SLC9B1: variants seen among roughly 807,000 people sequenced by gnomAD.
SLC9B1 encodes solute carrier family 9 member B1, also known as sodium/hydrogen exchanger 9B1.
SLC9B1 carries 32 observed loss-of-function variants against 51.7 expected under a neutral mutation model. That is an observed-to-expected ratio of 0.62 (90% CI 0.47 to 0.83). The LOEUF is 0.83. Ranked by LOEUF, SLC9B1 falls within the 40% of genes least tolerant of loss-of-function variation. The probability of loss-of-function intolerance (pLI) is 0.00; values close to 1 mark genes in which losing one functional copy is unlikely to be tolerated. For synonymous variants in SLC9B1, 145 were observed against 212.7 expected (o/e 0.68, Z 2.77); for missense variants, 406 against 613.2 (o/e 0.66, Z 3.57).
rs957155288 is a variant in SLC9B1 at position 103,008,083 on chromosome 4, A to G, written c.-2+11516T>C. ...TCAGTTTAAAAAATTTTTATGCTTT[A>G]CTTATTTCAATAAGCTTCTTAAAAT... is the stretch of plus-strand genomic sequence containing the variant. On this transcript the variant is annotated intron_variant, in intron 1 of 11. Transcript: ENST00000296422. Among the ~76,000 whole-genome samples the G allele has an allele frequency of 2.6e-5, 4 of 152,218 alleles. No individual in the cohort carries two copies. In the East Asian group the frequency reaches 7.7e-4, roughly 29 times the overall value.
intron 3 of SLC9B1, among the ~76,000 whole-genome samples, chr4:102,981,137 T>C (rs74706854): frequency 0.017 from 2,587 of 152,252 alleles, 72 homozygotes; most frequent in African/African-American, 0.056. Context: ...CTTAGAAACA[T>C]GCATTTAAGT....
chr4:102,885,127 C>A lies in SLC9B1; in HGVS notation c.*106G>T, dbSNP rs75722531. ...AAAAAGGAATTAATGTAAAAAGTAA[C>A]AAAGAATAAGCTCAAGGATGAAACT... is the stretch of plus-strand genomic sequence containing the variant. On this transcript the variant is annotated 3_prime_UTR_variant, in exon 12 of 12. Coordinates refer to the SLC9B1 transcript ENST00000394789. 4.7e-3 allele frequency: 5,055 copies of A among 1,071,656 alleles called. 52 individuals carry two copies. Among genetic ancestry groups the A allele is most frequent in the African/African-American group, 0.039 (2,354 of 60,996 alleles). The allele number at this position is 1,071,656 out of a possible 1,614,324, so 66.4% of individuals were successfully genotyped here.
At chr4:102,963,103 C>T (rs894641759) in intron 3 of SLC9B1, 12 of 382,712 alleles carry the variant, frequency 3.1e-5, no homozygotes, top group Non-Finnish European at 5.2e-5. Flanking sequence ...AAGAGTGGTA[C>T]ATGCCAGATT....
At chr4:102,997,272 G>T (rs1334070074) in intron 1 of SLC9B1, among the ~76,000 whole-genome samples, 1 of 152,116 alleles carries the variant, frequency 6.6e-6, no homozygotes, top group Non-Finnish European at 1.5e-5. Flanking sequence ...AATTTGGGGA[G>T]AACTGACATC....
At chr4:102,992,087 A>G (rs1044979014) in intron 1 of SLC9B1, among the ~76,000 whole-genome samples, 1 of 152,118 alleles carries the variant, frequency 6.6e-6, no homozygotes, top group Non-Finnish European at 1.5e-5. Context: ...TCTTACATAA[A>G]ACACTCCAGA....
chr4:102,941,646 A>G (rs1161807308), intron 6 of SLC9B1, among the ~76,000 whole-genome samples: 3 of 106,154 alleles, frequency 2.8e-5, no homozygotes, highest in African/African-American at 4.4e-5. Context: ...TCTCAAAAAA[A>G]AAAAAAAAAA....
chr4:103,009,540 T>C (rs1265751199), intron 1 of SLC9B1, among the ~76,000 whole-genome samples: 1 of 152,242 alleles, frequency 6.6e-6, no homozygotes, highest in Non-Finnish European at 1.5e-5. Context: ...TGGAATTCAG[T>C]ATAAATTATT....
chr4:102,912,055 C>T, intron 7 of SLC9B1: 1 of 207,930 alleles, frequency 4.8e-6, no homozygotes, highest in South Asian at 5.5e-5. Flanking sequence ...ATCACTTGAA[C>T]CCGGGAGGCA....
At chr4:102,904,627 T>A (rs1231841090) in intron 11 of SLC9B1, among the ~76,000 whole-genome samples, 1 of 151,972 alleles carries the variant, frequency 6.6e-6, no homozygotes, top group Non-Finnish European at 1.5e-5. Context: ...GAAGATCACT[T>A]GAACCTAAGA....
chr4:102,897,954 T>G (rs1354690860), downstream of SLC9B1: 8 of 376,432 alleles, frequency 2.1e-5, no homozygotes, highest in Non-Finnish European at 4.1e-5. Flanking sequence ...GCTGTTCATG[T>G]AGAAGGTCAA....
intron 7 of SLC9B1, among the ~76,000 whole-genome samples, chr4:102,924,520 C>G (rs1374099156): frequency 6.6e-6 from 1 of 152,128 alleles, no homozygotes. Flanking sequence ...GACTAAAACA[C>G]CAATAGCAAT....
chr4:102,987,015 T>C (rs1334790049), intron 3 of SLC9B1, among the ~76,000 whole-genome samples: 1 of 152,198 alleles, frequency 6.6e-6, no homozygotes, highest in African/African-American at 2.4e-5. Flanking sequence ...TTAATACACG[T>C]TGTAAATTTT....
At chr4:102,928,129 G>T (rs576601695) in intron 7 of SLC9B1, among the ~76,000 whole-genome samples, 3 of 152,228 alleles carry the variant, frequency 2.0e-5, no homozygotes, top group African/African-American at 4.8e-5. Context: ...TAATGTAAAT[G>T]ATGAGTTGAT....
At chr4:102,969,745 C>T (rs986946166) in intron 3 of SLC9B1, among the ~76,000 whole-genome samples, 18 of 152,046 alleles carry the variant, frequency 1.2e-4, no homozygotes, top group South Asian at 4.2e-4. Context: ...CCTTGAACAA[C>T]GATTAGATGA....
chr4:102,969,345 A>G (rs1738618864), intron 3 of SLC9B1, among the ~76,000 whole-genome samples: 1 of 152,360 alleles, frequency 6.6e-6, no homozygotes, highest in East Asian at 1.9e-4. Flanking sequence ...ACACCCAGGC[A>G]AACAGGGTCT....
At chr4:102,987,859 CCTA>C (rs1739725852) in intron 3 of SLC9B1, among the ~76,000 whole-genome samples, 1 of 152,110 alleles carries the variant, frequency 6.6e-6, no homozygotes, top group East Asian at 1.9e-4. Context: ...TCTAATCACT[CCTA>C]TTTTTTGGGC....
chr4:102,989,496 A>G (rs1739832533), intron 3 of SLC9B1, among the ~76,000 whole-genome samples: 1 of 152,004 alleles, frequency 6.6e-6, no homozygotes, highest in African/African-American at 2.4e-5. Context: ...CTAACTTAAA[A>G]CTAAATGTCA....
intron 9 of SLC9B1, among the ~76,000 whole-genome samples, chr4:102,908,384 GTATAGA>G (rs1735161640): frequency 1.9e-5 from 1 of 52,952 alleles, no homozygotes; most frequent in Admixed American, 1.7e-4. Context: ...ATGTGTGTGT[GTATAGA>G]TATATATATA....
At chr4:102,896,849 A>T (rs1375877864), downstream of SLC9B1, 4 of 152,766 alleles carry the variant, frequency 2.6e-5, no homozygotes, top group Non-Finnish European at 5.9e-5. Flanking sequence ...CTTCTAAATG[A>T]CAGCAAAGTC....
Sources: gnomAD v4.1 joint callset for allele counts (sites outside exome capture counted in the v4.1 genomes callset) on GRCh38, gnomAD v4.1.1 for gene constraint, MANE v1.5 for transcripts, NCBI Gene and HGNC (gene_info 2026-07-23, HGNC 2026-07-21) for gene names.